Variants in TNNI3K observed in about 807,000 individuals in gnomAD.
TNNI3K encodes serine/threonine-protein kinase TNNI3K.
TNNI3K carries 140 observed loss-of-function variants against 114.5 expected under a neutral mutation model. The ratio of observed to expected loss-of-function variants is 1.22; its 90% CI spans 1.07 to 1.41. The LOEUF (loss-of-function observed/expected upper bound fraction) is 1.41, where lower values mean the gene tolerates loss of function less well. Ranked by LOEUF, TNNI3K falls within the 40% of genes most tolerant of loss-of-function variation. TNNI3K has a pLI of 0.00. For synonymous variants in TNNI3K, 347 were observed against 347.5 expected, an observed-to-expected ratio of 1.00 and a Z score of 0.02; for missense variants, 1,125 against 1,007.6, an observed-to-expected ratio of 1.12 and a Z score of -1.58.
intron 5 of TNNI3K, among the ~76,000 whole-genome samples, chr1:74,284,589 A>G (rs902150279): frequency 6.6e-6 from 1 of 152,252 alleles, no homozygotes; most frequent in African/African-American, 2.4e-5. Flanking sequence ...TAAGCAAGGC[A>G]CACAAAACCT....
chr1:74,357,796 A>G (rs1661742306), intron 11 of TNNI3K, among the ~76,000 whole-genome samples: 1 of 152,010 alleles, frequency 6.6e-6, no homozygotes, highest in South Asian at 2.1e-4. Context: ...CTTCGTTTCT[A>G]CTATTCCAAT....
At chr1:74,510,795 T>C (rs1033295911) in intron 23 of TNNI3K, among the ~76,000 whole-genome samples, 1 of 152,238 alleles carries the variant, frequency 6.6e-6, no homozygotes, top group Non-Finnish European at 1.5e-5. Context: ...TCCCTCTAGG[T>C]ACACAGCACT....
At chr1:74,397,438 A>C (rs1161651836) in intron 17 of TNNI3K, among the ~76,000 whole-genome samples, 1 of 152,212 alleles carries the variant, frequency 6.6e-6, no homozygotes, top group African/African-American at 2.4e-5. Context: ...GCTGACCTTC[A>C]TCAGGGCCCT....
intron 11 of TNNI3K, among the ~76,000 whole-genome samples, chr1:74,359,251 A>G (rs1436598653): frequency 6.6e-6 from 1 of 152,058 alleles, no homozygotes; most frequent in Non-Finnish European, 1.5e-5. Flanking sequence ...AATTCTGACG[A>G]GGTTTAAGGA....
intron 20 of TNNI3K, among the ~76,000 whole-genome samples, chr1:74,457,162 A>G (rs1288252480): frequency 6.6e-6 from 1 of 152,202 alleles, no homozygotes; most frequent in Non-Finnish European, 1.5e-5. Context: ...AATCCTTATC[A>G]GTTTATCACT....
At chr1:74,326,574 A>C (rs1478190679) in intron 5 of TNNI3K, among the ~76,000 whole-genome samples, 6 of 152,296 alleles carry the variant, frequency 3.9e-5, no homozygotes, top group Admixed American at 3.9e-4. Context: ...AACTTCTTAC[A>C]CTTTATAGAG....
chr1:74,502,210 T>C lies in TNNI3K; in HGVS notation c.2351+9944T>C, dbSNP rs150749384. Among the ~76,000 whole-genome samples, 598 of 152,290 alleles carry C rather than the reference T, an allele frequency of 3.9e-3. 2 individuals are homozygous for C. Among genetic ancestry groups the C allele is most frequent in the African/African-American group, 0.014 (568 of 41,554 alleles). ...CTTTTATATTCATACCCATAGTAGATTGTAAACATCATGCAGGCATAAAAT... is the reference window on the plus strand; with the variant it reads ...CTTTTATATTCATACCCATAGTAGACTGTAAACATCATGCAGGCATAAAAT... On this transcript the variant is annotated intron_variant, in intron 23 of 24. Transcript: ENST00000326637.
intron 17 of TNNI3K, among the ~76,000 whole-genome samples, chr1:74,419,254 T>C (rs1163025388): frequency 6.6e-6 from 1 of 152,126 alleles, no homozygotes; most frequent in African/African-American, 2.4e-5. Context: ...TCTGTGTGTC[T>C]GTGTCTTCTT....
chr1:74,517,403 A>G (rs1489047296), intron 23 of TNNI3K, among the ~76,000 whole-genome samples: 1 of 152,198 alleles, frequency 6.6e-6, no homozygotes, highest in Non-Finnish European at 1.5e-5. Context: ...TCACTGATTC[A>G]TATGTCAAAC....
chr1:74,524,335 G>A (rs1181293430), intron 23 of TNNI3K, among the ~76,000 whole-genome samples: 2 of 152,184 alleles, frequency 1.3e-5, no homozygotes, highest in Admixed American at 6.5e-5. Flanking sequence ...GAAACAGAGG[G>A]GGCTTGGCCC....
chr1:74,454,443 T>C (rs1667149546), intron 20 of TNNI3K, among the ~76,000 whole-genome samples: 1 of 152,140 alleles, frequency 6.6e-6, no homozygotes, highest in Admixed American at 6.6e-5. Context: ...TTATTTAAGC[T>C]CCCACATATG....
chr1:74,369,687 T>C (rs1662492063), intron 16 of TNNI3K, 102 bp downstream of exon 16: 1 of 1,325,468 alleles, frequency 7.5e-7, no homozygotes, highest in Non-Finnish European at 9.9e-7. Context: ...CCTTTTGAAA[T>C]CTGAGTGCTG....
intron 5 of TNNI3K, among the ~76,000 whole-genome samples, chr1:74,321,975 T>A (rs1423535591): frequency 1.3e-5 from 2 of 151,938 alleles, no homozygotes; most frequent in Admixed American, 1.3e-4. Context: ...GGAGATTATA[T>A]AAATATATAA....
At chr1:74,419,732 T>C (rs1665303840) in intron 17 of TNNI3K, among the ~76,000 whole-genome samples, 2 of 152,154 alleles carry the variant, frequency 1.3e-5, no homozygotes, top group Non-Finnish European at 2.9e-5. Context: ...TCTAGTTCTC[T>C]GCTCTCAGGC....
chr1:74,295,288 T>G (rs1369560785), intron 5 of TNNI3K, among the ~76,000 whole-genome samples: 1 of 152,180 alleles, frequency 6.6e-6, no homozygotes, highest in African/African-American at 2.4e-5. Flanking sequence ...AAGCATATGG[T>G]GGATTTTGGC....
intron 23 of TNNI3K, among the ~76,000 whole-genome samples, chr1:74,530,791 A>G (rs1646572469): frequency 6.6e-6 from 1 of 151,110 alleles, no homozygotes; most frequent in African/African-American, 2.4e-5. Context: ...GCTATAGAGT[A>G]TGTTCCTCAG....
chr1:74,483,609 T>C (rs767932787), intron 21 of TNNI3K, among the ~76,000 whole-genome samples: 2 of 152,224 alleles, frequency 1.3e-5, no homozygotes, highest in Non-Finnish European at 2.9e-5. Context: ...GCATATTTAT[T>C]AGTATTTTGA....
At chr1:74,407,284 G>A (rs567353948) in intron 17 of TNNI3K, among the ~76,000 whole-genome samples, 11 of 152,018 alleles carry the variant, frequency 7.2e-5, no homozygotes, top group East Asian at 1.9e-4. Context: ...AGAACTCCTC[G>A]GAAGATATAA....
At chr1:74,517,474 T>C (rs1646366033) in intron 23 of TNNI3K, among the ~76,000 whole-genome samples, 3 of 152,174 alleles carry the variant, frequency 2.0e-5, no homozygotes, top group African/African-American at 4.8e-5. Context: ...CAGGAAATGG[T>C]AAATGGGTCA....
Sources: allele counts gnomAD v4.1 joint callset (sites outside exome capture counted in the v4.1 genomes callset), GRCh38; gene constraint gnomAD v4.1.1; transcripts MANE v1.5; gene names NCBI Gene and HGNC (gene_info 2026-07-23, HGNC 2026-07-21).